Variants in TRAPPC9 observed in about 807,000 individuals in gnomAD.
The protein encoded by TRAPPC9 is trafficking protein particle complex subunit 9, also known as IKK2 binding protein.
TRAPPC9 carries 83 observed loss-of-function variants against 124.0 expected under a neutral mutation model. That is an observed-to-expected ratio of 0.67 (90% confidence interval 0.56 to 0.80). The LOEUF (loss-of-function observed/expected upper bound fraction) is 0.80, where lower values mean the gene tolerates loss of function less well. TRAPPC9 is among the 30% of genes least tolerant of loss of function. TRAPPC9 has a pLI of 0.00. For synonymous variants in TRAPPC9, 638 were observed against 617.5 expected (o/e 1.03, Z -0.49); for missense variants, 1,302 against 1,508.3 (o/e 0.86, Z 2.27).
At chr8:139,955,491 G>A (rs1315537326) in intron 19 of TRAPPC9, among the ~76,000 whole-genome samples, 3 of 151,988 alleles carry the variant, frequency 2.0e-5, no homozygotes, top group Admixed American at 6.6e-5. Context: ...ACATTAAACA[G>A]CTCCTACTTA....
In TRAPPC9 at chr8:139,981,010, GAGA is replaced by G. The variant is rs576718153; in HGVS notation, c.2810+7713_2810+7715del. 3.9e-5 allele frequency among the ~76,000 whole-genome samples: 6 copies of G among 152,344 alleles called. No individual in the cohort carries two copies. In the South Asian group the frequency reaches 6.2e-4, roughly 16 times the overall value. On this transcript the variant is annotated intron_variant, in intron 19 of 22. Transcript: ENST00000438773. ...TCCTATTTTTCTTTTCTCACAGAAAGAGAAGAATTTCTCTTGTCACCTGAGTCA... is the reference window on the plus strand; with the variant it reads ...TCCTATTTTTCTTTTCTCACAGAAAGAGAATTTCTCTTGTCACCTGAGTCA...
chr8:139,872,120 GTGGGCTGGTGGA>G (rs1417028975), intron 21 of TRAPPC9, among the ~76,000 whole-genome samples: 4 of 148,714 alleles, frequency 2.7e-5, no homozygotes, highest in African/African-American at 9.9e-5. Flanking sequence ...GGATGGATGG[GTGGGCTGGTGGA>G]TGGGCTGGTG....
chr8:140,406,903 TA>T (rs1167536424), intron 5 of TRAPPC9, among the ~76,000 whole-genome samples: 1 of 152,134 alleles, frequency 6.6e-6, no homozygotes, highest in Non-Finnish European at 1.5e-5. Context: ...ATGCACTTTT[TA>T]AAGAATAGAT....
chr8:139,979,650 G>A (rs557535596), intron 19 of TRAPPC9, among the ~76,000 whole-genome samples: 1 of 152,256 alleles, frequency 6.6e-6, no homozygotes, highest in South Asian at 2.1e-4. Context: ...CTCTAGTACA[G>A]CAAGAGGGAG....
intron 12 of TRAPPC9, among the ~76,000 whole-genome samples, chr8:140,289,171 TATA>T (rs1472711052): frequency 7.7e-5 from 10 of 130,484 alleles, no homozygotes; most frequent in African/African-American, 3.1e-4. Context: ...TAGATATATA[TATA>T]GTGTGTGTGT....
intron 6 of TRAPPC9, among the ~76,000 whole-genome samples, chr8:140,401,489 C>T (rs13265944): frequency 0.28 from 42,263 of 152,054 alleles, 6,818 homozygotes; most frequent in South Asian, 0.43. Flanking sequence ...TATGGAAATG[C>T]CATTTTTCCT....
At chr8:140,202,846 T>A (rs1171600440) in intron 17 of TRAPPC9, among the ~76,000 whole-genome samples, 2 of 152,186 alleles carry the variant, frequency 1.3e-5, no homozygotes, top group Non-Finnish European at 2.9e-5. Context: ...TAGGCAAAAA[T>A]GTTTCGTGTG....
At chr8:140,405,423 T>C in intron 6 of TRAPPC9, 154 bp downstream of exon 6, 1 of 767,580 alleles carries the variant, frequency 1.3e-6, no homozygotes, top group Non-Finnish European at 2.1e-6. Flanking sequence ...AAAGAAAACA[T>C]TTTAGGCATA....
At chr8:139,805,417 A>C (rs1002641848) in intron 21 of TRAPPC9, among the ~76,000 whole-genome samples, 1 of 152,186 alleles carries the variant, frequency 6.6e-6, no homozygotes, top group Non-Finnish European at 1.5e-5. Flanking sequence ...GGACCTGCAG[A>C]CCTGGCAGCC....
intron 15 of TRAPPC9, among the ~76,000 whole-genome samples, chr8:140,269,179 T>C (rs1056898835): frequency 2.6e-5 from 4 of 152,176 alleles, no homozygotes; most frequent in Non-Finnish European, 5.9e-5. Context: ...TAATGGTACA[T>C]GTGCTACAGC....
chr8:140,420,310 C>G (rs1394717286), intron 5 of TRAPPC9, among the ~76,000 whole-genome samples: 1 of 152,080 alleles, frequency 6.6e-6, no homozygotes, highest in Non-Finnish European at 1.5e-5. Context: ...TTTGGAGAAT[C>G]TCTATCAAAT....
At chr8:140,094,394 C>T (rs1030843761) in intron 17 of TRAPPC9, among the ~76,000 whole-genome samples, 8 of 152,182 alleles carry the variant, frequency 5.3e-5, no homozygotes, top group African/African-American at 1.2e-4. Context: ...GGGCTGGCTC[C>T]GAGAGCCACG....
chr8:140,098,354 C>T (rs2060495498), intron 17 of TRAPPC9: 2 of 151,628 alleles, frequency 1.3e-5, no homozygotes, highest in South Asian at 2.1e-4. Context: ...CGGCGCAATC[C>T]ACAGGGTAAA....
intron 17 of TRAPPC9, among the ~76,000 whole-genome samples, chr8:140,066,834 C>CA (rs1842917275): frequency 6.6e-6 from 1 of 152,172 alleles, no homozygotes; most frequent in South Asian, 2.1e-4. Context: ...CCAAGGGGCA[C>CA]AAAGCATGCC....
chr8:140,413,137 C>A (rs189870064), intron 5 of TRAPPC9, among the ~76,000 whole-genome samples: 1 of 152,112 alleles, frequency 6.6e-6, no homozygotes, highest in East Asian at 1.9e-4. Flanking sequence ...GTCTGTAATC[C>A]CAGCACTTTG....
At chr8:140,272,360 G>GTGGTTGTGGTGTGA (rs1213103430) in intron 15 of TRAPPC9, among the ~76,000 whole-genome samples, 17 of 109,126 alleles carry the variant, frequency 1.6e-4, no homozygotes, top group Admixed American at 1.8e-4. Context: ...GGAGAGAGTG[G>GTGGTTGTGGTGTGA]TGGTAGTGAG....
chr8:140,024,078 G>T lies in TRAPPC9; in HGVS notation c.2558C>A (p.Thr853Asn), dbSNP rs1839976044. ...NKAGDYSHVK[T>N]LEAVLNFKYS... is the part of the protein sequence containing the mutation. ...TTTGAAATTCAGGACAGCTTCCAGG[G>T]TCTAAAAGATATTAAAAAAAAAAAT... Residue 853 changes from threonine to asparagine, a missense_variant and splice_region_variant, in exon 18 of 23, where the codon ACC (threonine) becomes AAC (asparagine). Around this residue, in one of 3 missense-constraint regions of TRAPPC9, gnomAD observed 640 missense variants for 679.3 expected, o/e 0.94. Transcript: ENST00000438773. 1 of 1,613,446 alleles carries T rather than the reference G, an allele frequency of 6.2e-7. No individual in the cohort carries two copies. Among genetic ancestry groups the T allele is most frequent in the Non-Finnish European group, 8.5e-7 (1 of 1,179,940 alleles).
At chr8:140,116,196 G>A (rs1490005581) in intron 17 of TRAPPC9, among the ~76,000 whole-genome samples, 1 of 152,136 alleles carries the variant, frequency 6.6e-6, no homozygotes, top group Non-Finnish European at 1.5e-5. Flanking sequence ...TATTCTTAAG[G>A]CAATGAGGAA....
intron 17 of TRAPPC9, among the ~76,000 whole-genome samples, chr8:140,121,919 T>C (rs1283317947): frequency 2.0e-5 from 3 of 152,162 alleles, no homozygotes; most frequent in Admixed American, 6.5e-5. Context: ...TCCTGTGACT[T>C]GCTTAAAGCA....
Sources: allele counts gnomAD v4.1 joint callset (sites outside exome capture counted in the v4.1 genomes callset), GRCh38; gene constraint gnomAD v4.1.1; regional missense constraint gnomAD v4.1.1; transcripts MANE v1.5; gene names NCBI Gene and HGNC (gene_info 2026-07-23, HGNC 2026-07-21).